Variants in L2HGDH observed in about 807,000 individuals in gnomAD.
The protein encoded by L2HGDH is L-2-hydroxyglutarate dehydrogenase, also known as L-2-hydroxyglutarate dehydrogenase, mitochondrial.
In L2HGDH, 34 loss-of-function variants were observed where a neutral mutation model predicts 51.5. The observed-to-expected ratio is 0.66, with a 90% CI of 0.50 to 0.88. The LOEUF is 0.88. Among genes scored for constraint, L2HGDH ranks in the 40% least tolerant of loss-of-function variants. The pLI is 0.00. For synonymous variants in L2HGDH, 198 were observed against 197.9 expected, an observed-to-expected ratio of 1.00 and a Z score of -0.01; for missense variants, 558 against 571.9, an observed-to-expected ratio of 0.98 and a Z score of 0.25.
At chr14:50,268,594 A>G (rs113167717) in intron 7 of L2HGDH, among the ~76,000 whole-genome samples, 5 of 152,314 alleles carry the variant, frequency 3.3e-5, no homozygotes, top group African/African-American at 1.2e-4. Context: ...GCAAAGTACA[A>G]ATACATGAGG....
At chr14:50,271,793 C>T (rs572589256) in intron 6 of L2HGDH, among the ~76,000 whole-genome samples, 2 of 152,166 alleles carry the variant, frequency 1.3e-5, no homozygotes. Flanking sequence ...TCCCCCCTCC[C>T]CATATCCAAT....
intron 9 of L2HGDH, among the ~76,000 whole-genome samples, chr14:50,254,904 G>A (rs1168757801): frequency 6.6e-6 from 1 of 151,796 alleles, no homozygotes; most frequent in African/African-American, 2.4e-5. Context: ...CAGGCGTGGT[G>A]TTGAGTGTCT....
In L2HGDH at chr14:50,283,891, C is replaced by A; in HGVS notation, c.683G>T (p.Ser228Ile). Residue 228 changes from serine (S) to isoleucine (I), a missense_variant, in exon 5 of 10, where the codon AGT becomes ATT. Physicochemically the swap from Ser to Ile is moderately radical, Grantham distance 142 (BLOSUM62 -2). Around this residue, in one of 3 missense-constraint regions of L2HGDH, gnomAD observed 321 missense variants for 311.8 expected, o/e 1.03. Transcript: ENST00000267436. Reference protein sequence around the residue: ...EVKGIEMAKESPSRSIDGMQY... With the variant: ...EVKGIEMAKEIPSRSIDGMQY... ...CTTACCATCTATACTTCTTGAAGGA[C>A]TTTCTTTAGCCATTTCAATACCTTT... is the stretch of plus-strand genomic sequence containing the variant. 1 of 1,613,964 alleles carries A rather than the reference C, an allele frequency of 6.2e-7. No individual in the cohort carries two copies. Among genetic ancestry groups the A allele is most frequent in the Non-Finnish European group, 8.5e-7 (1 of 1,179,938 alleles).
chr14:50,249,069 G>T (rs1888177492), intron 9 of L2HGDH, among the ~76,000 whole-genome samples: 1 of 152,206 alleles, frequency 6.6e-6, no homozygotes, highest in African/African-American at 2.4e-5. Flanking sequence ...GGAGAATAAA[G>T]CTGGGCTGGG....
At chr14:50,281,750 T>G (rs946676950) in intron 5 of L2HGDH, among the ~76,000 whole-genome samples, 2 of 152,234 alleles carry the variant, frequency 1.3e-5, no homozygotes, top group African/African-American at 4.8e-5. Context: ...CTAGTCTAAT[T>G]GTAAGTCTGG....
At chr14:50,285,271 T>C (rs1890506767) in intron 4 of L2HGDH, among the ~76,000 whole-genome samples, 1 of 152,108 alleles carries the variant, frequency 6.6e-6, no homozygotes, top group African/African-American at 2.4e-5. Flanking sequence ...CTCTTTGCTA[T>C]CCCACTGGGA....
At chr14:50,304,988 G>A (rs552511633) in intron 1 of L2HGDH, among the ~76,000 whole-genome samples, 21 of 152,218 alleles carry the variant, frequency 1.4e-4, no homozygotes, top group East Asian at 5.8e-4. Context: ...CCCTTTCTTC[G>A]AAAAGTGATC....
chr14:50,289,788 A>C (rs1032294319), intron 4 of L2HGDH, among the ~76,000 whole-genome samples: 2 of 152,208 alleles, frequency 1.3e-5, no homozygotes, highest in African/African-American at 4.8e-5. Flanking sequence ...AATGAGTCTG[A>C]GGATTAGAAA....
chr14:50,268,673 T>C (rs1002827601), intron 7 of L2HGDH, among the ~76,000 whole-genome samples: 3 of 152,200 alleles, frequency 2.0e-5, no homozygotes, highest in African/African-American at 7.2e-5. Flanking sequence ...GACTATTTCA[T>C]CTGGTTCGAC....
At position 50,245,623 on chromosome 14, in the gene L2HGDH, G is replaced by C; in HGVS notation, c.*1435C>G. The C allele has an allele frequency of 2.0e-6, 2 of 976,264 alleles. No individual in the cohort carries two copies. The highest frequency in any genetic ancestry group is 2.4e-6 in the Non-Finnish European group (2 of 821,704). 60.5% of individuals were successfully genotyped at this position (976,264 alleles called of 1,614,324 possible). ...AATATTGTTGCTCTAAATAATGTGA[G>C]TTTTGTGACTCTTCAAAATTAAAAG... On this transcript the variant is annotated 3_prime_UTR_variant, in exon 10 of 10. Transcript: ENST00000267436.
At chr14:50,291,414 C>A (rs1890882077) in intron 4 of L2HGDH, among the ~76,000 whole-genome samples, 1 of 151,974 alleles carries the variant, frequency 6.6e-6, no homozygotes, top group Admixed American at 6.6e-5. Context: ...AATTCACTAT[C>A]TCAGAGAGAT....
chr14:50,243,272 C>G lies in L2HGDH; in HGVS notation c.*3786G>C. 1 of 985,386 alleles carries G rather than the reference C, an allele frequency of 1.0e-6. No individual in the cohort carries two copies. Among genetic ancestry groups the G allele is most frequent in the South Asian group, 4.7e-5 (1 of 21,286 alleles). 61.0% of individuals were successfully genotyped at this position (985,386 alleles called of 1,614,324 possible). A position where few individuals can be genotyped will look rare whatever the true frequency, so the allele number is the denominator to read the frequency against. On this transcript the variant is annotated 3_prime_UTR_variant, in exon 10 of 10. Coordinates refer to ENST00000267436, the MANE Select transcript of L2HGDH (RefSeq NM_024884.3). Reference sequence around the variant, plus strand: ...ACATCAAGAGTTCCTCACAAACACTCTGAAGTTAAAATCTAAAATGCTCCA... The same window carrying G: ...ACATCAAGAGTTCCTCACAAACACTGTGAAGTTAAAATCTAAAATGCTCCA...
intron 4 of L2HGDH, among the ~76,000 whole-genome samples, chr14:50,286,985 A>C (rs181740287): frequency 6.6e-6 from 1 of 152,210 alleles, no homozygotes; most frequent in Non-Finnish European, 1.5e-5. Flanking sequence ...TGTGTGGCAC[A>C]TAGTAATCAA....
chr14:50,293,832 A>G (rs1298421007), intron 4 of L2HGDH, among the ~76,000 whole-genome samples: 1 of 152,032 alleles, frequency 6.6e-6, no homozygotes, highest in Non-Finnish European at 1.5e-5. Context: ...TACATACCCA[A>G]TGCTCCCAAC....
At chr14:50,309,559 G>A (rs1318285403) in intron 1 of L2HGDH, among the ~76,000 whole-genome samples, 1 of 100,506 alleles carries the variant, frequency 9.9e-6, no homozygotes. Context: ...GAGACTTCGT[G>A]TTAAAAAAAA....
At chr14:50,272,407 A>G (rs1889747700) in intron 6 of L2HGDH, among the ~76,000 whole-genome samples, 1 of 152,206 alleles carries the variant, frequency 6.6e-6, no homozygotes, top group African/African-American at 2.4e-5. Flanking sequence ...AAAGCCTGCC[A>G]CCTGGGTCAC....
intron 9 of L2HGDH, among the ~76,000 whole-genome samples, chr14:50,256,485 C>G (rs1438048413): frequency 1.3e-5 from 2 of 149,318 alleles, no homozygotes; most frequent in Admixed American, 1.3e-4. Flanking sequence ...GCACTCCATT[C>G]TAGCCTGGGT....
intron 9 of L2HGDH, among the ~76,000 whole-genome samples, chr14:50,259,702 C>T (rs1272570971): frequency 6.6e-6 from 1 of 151,678 alleles, no homozygotes; most frequent in East Asian, 1.9e-4. Context: ...GCCATGGTGG[C>T]ACATGCCTGT....
chr14:50,259,773 G>A (rs1315337294), intron 9 of L2HGDH, among the ~76,000 whole-genome samples: 1 of 151,972 alleles, frequency 6.6e-6, no homozygotes, highest in African/African-American at 2.4e-5. Flanking sequence ...AGCAGAGGTT[G>A]CAGTGAGCTG....
Sources: allele counts gnomAD v4.1 joint callset (sites outside exome capture counted in the v4.1 genomes callset), GRCh38; gene constraint gnomAD v4.1.1; regional missense constraint gnomAD v4.1.1; transcripts MANE v1.5; gene names NCBI Gene and HGNC (gene_info 2026-07-23, HGNC 2026-07-21).